The following CNTN5 variants were observed in gnomAD, a reference collection of about 807,000 sequenced individuals.
CNTN5 encodes contactin-5.
CNTN5 carries 77 observed loss-of-function variants against 129.1 expected under a neutral mutation model. That is an observed-to-expected ratio of 0.60 (90% confidence interval 0.50 to 0.72). The LOEUF is 0.72. Among genes scored for constraint, CNTN5 ranks in the 30% least tolerant of loss-of-function variants. The pLI is 0.00. For missense variants in CNTN5, 1,478 were observed against 1,328.8 expected, an observed-to-expected ratio of 1.11 and a Z score of -1.75; for synonymous variants, 509 against 465.6, an observed-to-expected ratio of 1.09 and a Z score of -1.20.
chr11:99,543,696 T>C (rs1329052803), intron 2 of CNTN5, among the ~76,000 whole-genome samples: 5 of 152,198 alleles, frequency 3.3e-5, no homozygotes, highest in Admixed American at 6.5e-5. Context: ...GGTGGGTGGA[T>C]CACCTGAGGT....
chr11:100,290,162 G>A (rs568323629), intron 18 of CNTN5, among the ~76,000 whole-genome samples: 17 of 151,788 alleles, frequency 1.1e-4, no homozygotes, highest in Admixed American at 5.9e-4. Flanking sequence ...AATCTTTATC[G>A]TGAAAATGGC....
chr11:100,268,995 A>T (rs747866248), intron 17 of CNTN5, among the ~76,000 whole-genome samples: 6 of 152,212 alleles, frequency 3.9e-5, no homozygotes, highest in Non-Finnish European at 8.8e-5. Flanking sequence ...AGTTAACAGC[A>T]TAGAGAGTAT....
intron 13 of CNTN5, among the ~76,000 whole-genome samples, chr11:100,113,553 G>A (rs1315675697): frequency 6.6e-6 from 1 of 150,716 alleles, no homozygotes; most frequent in Non-Finnish European, 1.5e-5. Context: ...AGCATTCAGA[G>A]CCTCAGTATT....
chr11:99,804,056 C>A (rs142207069), intron 3 of CNTN5, among the ~76,000 whole-genome samples: 41 of 152,178 alleles, frequency 2.7e-4, no homozygotes, highest in African/African-American at 8.9e-4. Context: ...AATGTAATGA[C>A]AGCACATGTC....
chr11:99,860,555 G>C (rs941813562), intron 6 of CNTN5, among the ~76,000 whole-genome samples: 1 of 152,018 alleles, frequency 6.6e-6, no homozygotes, highest in Non-Finnish European at 1.5e-5. Context: ...TCATTTATTG[G>C]TTAGTAAATC....
intron 3 of CNTN5, among the ~76,000 whole-genome samples, chr11:99,679,285 A>C (rs1953447841): frequency 6.6e-6 from 1 of 151,272 alleles, no homozygotes; most frequent in South Asian, 2.1e-4. Flanking sequence ...GACAAGCCTC[A>C]TTTTATCGCA....
intron 3 of CNTN5, among the ~76,000 whole-genome samples, chr11:99,601,026 GTGTT>G (rs1303851253): frequency 6.6e-6 from 1 of 152,002 alleles, no homozygotes; most frequent in Non-Finnish European, 1.5e-5. Flanking sequence ...TTTACTTTTT[GTGTT>G]TGTTTGTCTC....
intron 3 of CNTN5, among the ~76,000 whole-genome samples, chr11:99,570,999 G>A (rs1949158512): frequency 6.6e-6 from 1 of 152,188 alleles, no homozygotes; most frequent in South Asian, 2.1e-4. Flanking sequence ...TAATACAGAT[G>A]AGAGAAGAAT....
At chr11:99,730,000 G>C (rs921351906) in intron 3 of CNTN5, among the ~76,000 whole-genome samples, 2 of 152,032 alleles carry the variant, frequency 1.3e-5, no homozygotes, top group Admixed American at 1.3e-4. Flanking sequence ...GTGCCATAGT[G>C]GTTTGCTGCA....
rs189716727 is a variant in CNTN5 at position 99,143,921 on chromosome 11, G to A, written c.-210+122651G>A. The stretch of plus-strand genomic sequence containing the variant: ...TGAAAGTGATATCCTACAAACTGTT[G>A]TTCCATCTTCAAGTCAATAAAAGAT... On this transcript the variant is annotated intron_variant, in intron 1 of 24. Transcript: ENST00000524871. Among the ~76,000 whole-genome samples the A allele has an allele frequency of 2.1e-4, 32 of 152,186 alleles. No homozygotes were observed. The East Asian group carries it at 6.0e-3, about 28-fold the overall frequency.
intron 1 of CNTN5, among the ~76,000 whole-genome samples, chr11:99,300,023 G>A (rs941836327): frequency 1.3e-5 from 2 of 152,046 alleles, no homozygotes; most frequent in Non-Finnish European, 2.9e-5. Flanking sequence ...CAGTGTATAA[G>A]CATTGCCTTT....
At chr11:99,607,106 A>G (rs1176425820) in intron 3 of CNTN5, among the ~76,000 whole-genome samples, 23 of 127,162 alleles carry the variant, frequency 1.8e-4, no homozygotes, top group Non-Finnish European at 3.7e-4. Flanking sequence ...ATGGGATCTA[A>G]TGAAACTAAA....
In CNTN5 at chr11:99,466,070, G is replaced by C. The variant is rs190367790; in HGVS notation, c.-70-90075G>C. 2.6e-5 allele frequency among the ~76,000 whole-genome samples: 4 copies of C among 152,088 alleles called. No homozygotes were observed. In the East Asian group the frequency reaches 7.8e-4, roughly 30 times the overall value. ...CTCAATTTTTTGTATTTTTAGTAGAGGTGGGGTTTCACCGTGTTAGCCAGG... is the reference window on the plus strand; with the variant it reads ...CTCAATTTTTTGTATTTTTAGTAGACGTGGGGTTTCACCGTGTTAGCCAGG... On this transcript the variant is annotated intron_variant, in intron 2 of 24. Coordinates refer to ENST00000524871, the MANE Select transcript of CNTN5 (RefSeq NM_014361.4).
chr11:100,145,671 G>C (rs1946828239), intron 13 of CNTN5, among the ~76,000 whole-genome samples: 2 of 152,100 alleles, frequency 1.3e-5, no homozygotes, highest in African/African-American at 4.8e-5. Flanking sequence ...ATGAAACAGA[G>C]ATACAGAAAG....
chr11:99,543,892 G>C (rs1948194957), intron 2 of CNTN5, among the ~76,000 whole-genome samples: 1 of 119,144 alleles, frequency 8.4e-6, no homozygotes, highest in South Asian at 2.9e-4. Context: ...TTGCACTCCA[G>C]CTTGGGTAAC....
chr11:99,417,289 C>T (rs926779126), intron 2 of CNTN5, among the ~76,000 whole-genome samples: 1 of 152,068 alleles, frequency 6.6e-6, no homozygotes, highest in Non-Finnish European at 1.5e-5. Flanking sequence ...ATTGGTTTGA[C>T]AGGCAAAGCT....
chr11:99,829,728 A>G (rs1947077546), intron 4 of CNTN5, among the ~76,000 whole-genome samples: 1 of 152,204 alleles, frequency 6.6e-6, no homozygotes, highest in Admixed American at 6.6e-5. Flanking sequence ...TAATTACTCT[A>G]AAGTAGTTAT....
At chr11:99,911,185 C>A (rs1331473581) in intron 6 of CNTN5, among the ~76,000 whole-genome samples, 1 of 151,946 alleles carries the variant, frequency 6.6e-6, no homozygotes, top group African/African-American at 2.4e-5. Flanking sequence ...AAGTCAAAAT[C>A]TCAATTTTAT....
intron 1 of CNTN5, among the ~76,000 whole-genome samples, chr11:99,221,388 T>A (rs937016887): frequency 6.6e-6 from 1 of 151,900 alleles, no homozygotes; most frequent in Admixed American, 6.6e-5. Context: ...TTTAGCTTAC[T>A]ACAGAATACC....
Sources: allele counts gnomAD v4.1 joint callset (sites outside exome capture counted in the v4.1 genomes callset), GRCh38; gene constraint gnomAD v4.1.1; transcripts MANE v1.5; gene names NCBI Gene and HGNC (gene_info 2026-07-23, HGNC 2026-07-21).